The following FOXN3 variants were observed in gnomAD, a reference collection of about 807,000 sequenced individuals.
The protein encoded by FOXN3 is forkhead box N3.
In FOXN3, 7 loss-of-function variants were observed where a neutral mutation model predicts 38.4. The observed-to-expected ratio is 0.18, with a 90% CI of 0.10 to 0.34. The LOEUF is 0.34. Ranked by LOEUF, FOXN3 falls within the 10% of genes least tolerant of loss-of-function variation. FOXN3 has a pLI of 1.00. For missense variants in FOXN3, 456 were observed against 613.4 expected (o/e 0.74, Z 2.71); for synonymous variants, 230 against 242.2 (o/e 0.95, Z 0.47).
At chr14:89,444,530 T>G (rs1365459070) in intron 1 of FOXN3, among the ~76,000 whole-genome samples, 1 of 152,048 alleles carries the variant, frequency 6.6e-6, no homozygotes, top group Non-Finnish European at 1.5e-5. Context: ...TAATCACAAG[T>G]AGGAGAAACG....
chr14:89,173,450 A>T (rs891074411), intron 5 of FOXN3, among the ~76,000 whole-genome samples: 4 of 152,206 alleles, frequency 2.6e-5, no homozygotes, highest in African/African-American at 7.2e-5. Flanking sequence ...CAACAATTTC[A>T]CTCCTAGACA....
intron 4 of FOXN3, among the ~76,000 whole-genome samples, chr14:89,201,999 G>C (rs1216491061): frequency 4.6e-5 from 7 of 152,198 alleles, no homozygotes; most frequent in Admixed American, 6.5e-5. Flanking sequence ...GGGTCAATGT[G>C]CAAATAATCT....
intron 1 of FOXN3, among the ~76,000 whole-genome samples, chr14:89,444,011 A>AAT (rs1555354182): frequency 7.0e-6 from 1 of 143,086 alleles, no homozygotes; most frequent in Non-Finnish European, 1.5e-5. Context: ...CTCTGTCAAA[A>AAT]AAAAAAAAAA....
At chr14:89,432,486 A>G (rs1892179859) in intron 1 of FOXN3, among the ~76,000 whole-genome samples, 1 of 152,198 alleles carries the variant, frequency 6.6e-6, no homozygotes, top group African/African-American at 2.4e-5. Context: ...CAAGAGCTTT[A>G]CCTGCATTAT....
intron 2 of FOXN3, among the ~76,000 whole-genome samples, chr14:89,360,816 ACCACCACCT>A (rs1566966582): frequency 4.8e-5 from 5 of 103,228 alleles, no homozygotes; most frequent in African/African-American, 2.2e-4. Context: ...CACCACCTCC[ACCACCACCT>A]CCACCACTAC....
intron 3 of FOXN3, among the ~76,000 whole-genome samples, chr14:89,305,829 T>G (rs1236148143): frequency 6.6e-6 from 1 of 152,230 alleles, no homozygotes; most frequent in Admixed American, 6.5e-5. Flanking sequence ...ACAGGTTTTG[T>G]AAAACAATTT....
intron 5 of FOXN3, among the ~76,000 whole-genome samples, chr14:89,173,982 G>A (rs1185330108): frequency 6.6e-6 from 1 of 152,084 alleles, no homozygotes; most frequent in Non-Finnish European, 1.5e-5. Flanking sequence ...GACAAAGCGA[G>A]ACCCTGTCTC....
At chr14:89,455,174 C>CT (rs570967257) in intron 1 of FOXN3, among the ~76,000 whole-genome samples, 158 of 152,272 alleles carry the variant, frequency 1.0e-3, no homozygotes, top group Non-Finnish European at 1.9e-3. Flanking sequence ...TCCAATGTTC[C>CT]TTATAGAAGG....
intron 2 of FOXN3, among the ~76,000 whole-genome samples, chr14:89,379,339 G>C (rs1721185974): frequency 6.6e-6 from 1 of 152,156 alleles, no homozygotes; most frequent in African/African-American, 2.4e-5. Flanking sequence ...CTGGATTCTA[G>C]ACCGTGGTTT....
chr14:89,254,000 T>C (rs1885541779), intron 4 of FOXN3, among the ~76,000 whole-genome samples: 1 of 152,146 alleles, frequency 6.6e-6, no homozygotes, highest in East Asian at 1.9e-4. Context: ...CCTGTAACTG[T>C]TATTTTTTTA....
intron 1 of FOXN3, among the ~76,000 whole-genome samples, chr14:89,599,410 A>C (rs1896115879): frequency 6.6e-6 from 1 of 152,116 alleles, no homozygotes; most frequent in African/African-American, 2.4e-5. Context: ...CAGAAGGTCC[A>C]TTTGGTCTTA....
intron 4 of FOXN3, chr14:89,190,522 G>T: frequency 7.7e-7 from 1 of 1,298,328 alleles, no homozygotes; most frequent in Non-Finnish European, 1.1e-6. Flanking sequence ...CCCCCTGCAA[G>T]TTACAGTTTA....
At chr14:89,301,188 A>G (rs138466269) in intron 3 of FOXN3, among the ~76,000 whole-genome samples, 135 of 152,192 alleles carry the variant, frequency 8.9e-4, no homozygotes, top group Non-Finnish European at 1.7e-3. Context: ...AGTGATTTTA[A>G]ATTTCCAAAA....
At chr14:89,461,632 T>C (rs1892850097) in intron 1 of FOXN3, among the ~76,000 whole-genome samples, 1 of 152,202 alleles carries the variant, frequency 6.6e-6, no homozygotes, top group South Asian at 2.1e-4. Context: ...CTTTTCAAAA[T>C]GTAGCACAAT....
rs1309594899 is a variant in FOXN3, at chr14:89,158,538, T to C, written c.*3876A>G. ...AATATGGGTTTGGTTCATTTTAGTT[T>C]CAGATAGATGGCTTCACCAAAGAAC... On this transcript the variant is annotated 3_prime_UTR_variant, in exon 6 of 6. Transcript: ENST00000557258. The C allele has an allele frequency of 6.6e-6, 1 of 152,642 alleles. No homozygotes were observed. Among genetic ancestry groups the C allele is most frequent in the Non-Finnish European group, 1.5e-5 (1 of 68,040 alleles). 9.5% of individuals were successfully genotyped at this position (152,642 alleles called of 1,614,324 possible).
chr14:89,172,975 A>G (rs1887428494), intron 5 of FOXN3, among the ~76,000 whole-genome samples: 1 of 152,186 alleles, frequency 6.6e-6, no homozygotes, highest in South Asian at 2.1e-4. Flanking sequence ...AGATTTCATA[A>G]AAAGATTGAT....
At chr14:89,343,627 G>GTTTTT (rs34453491) in intron 3 of FOXN3, among the ~76,000 whole-genome samples, 1 of 140,636 alleles carries the variant, frequency 7.1e-6, no homozygotes, top group Non-Finnish European at 1.5e-5. Flanking sequence ...AATGTGTGTG[G>GTTTTT]TTTTTTTTTT....
At chr14:89,171,965 A>T (rs1887401123) in intron 5 of FOXN3, among the ~76,000 whole-genome samples, 1 of 152,214 alleles carries the variant, frequency 6.6e-6, no homozygotes, top group African/African-American at 2.4e-5. Context: ...GCACAGAAGA[A>T]TCTATAAACT....
intron 3 of FOXN3, chr14:89,290,372 C>A: frequency 2.6e-6 from 1 of 377,382 alleles, no homozygotes; most frequent in South Asian, 2.3e-5. Context: ...AACCTTCTGT[C>A]TTATTAGTGG....
Sources: allele counts gnomAD v4.1 joint callset (sites outside exome capture counted in the v4.1 genomes callset), GRCh38; gene constraint gnomAD v4.1.1; transcripts MANE v1.5; gene names NCBI Gene and HGNC (gene_info 2026-07-23, HGNC 2026-07-21).